ANAPC1: variants seen among roughly 807,000 people sequenced by gnomAD.
ANAPC1 encodes the protein anaphase promoting complex subunit 1.
A neutral mutation model predicts 208.0 loss-of-function variants in ANAPC1; 36 were observed. The observed-to-expected ratio is 0.17, with a 90% confidence interval of 0.13 to 0.23. ANAPC1 has a LOEUF of 0.23. Among genes scored for constraint, ANAPC1 ranks in the 10% least tolerant of loss-of-function variants. The probability of loss-of-function intolerance (pLI) is 1.00; values close to 1 mark genes in which losing one functional copy is unlikely to be tolerated. For synonymous variants in ANAPC1, 378 were observed against 695.2 expected, an observed-to-expected ratio of 0.54 and a Z score of 7.18; for missense variants, 942 against 2,011.6, an observed-to-expected ratio of 0.47 and a Z score of 10.17.
intron 38 of ANAPC1, 131 bp downstream of exon 38, chr2:111,792,231 A>C (rs1677915968): frequency 3.3e-6 from 2 of 613,964 alleles, no homozygotes; most frequent in Admixed American, 6.0e-5. Flanking sequence ...ATCAAGTCGA[A>C]TAATGCTGCT....
At chr2:111,792,090 G>C (rs991117200) in intron 38 of ANAPC1, among the ~76,000 whole-genome samples, 1 of 152,070 alleles carries the variant, frequency 6.6e-6, no homozygotes, top group Non-Finnish European at 1.5e-5. Flanking sequence ...AACCAGGTGG[G>C]CACAAGCAGT....
At chr2:111,810,686 C>A (rs1211227610) in intron 28 of ANAPC1, among the ~76,000 whole-genome samples, 1 of 146,918 alleles carries the variant, frequency 6.8e-6, no homozygotes, top group African/African-American at 2.5e-5. Flanking sequence ...AGTTCAAGAC[C>A]AGCCTGGCCA....
intron 34 of ANAPC1, among the ~76,000 whole-genome samples, chr2:111,796,283 T>G (rs1311885816): frequency 6.7e-6 from 1 of 148,636 alleles, no homozygotes; most frequent in Non-Finnish European, 1.5e-5. Flanking sequence ...TATAATACAG[T>G]CTTCTTATGT....
intron 16 of ANAPC1, among the ~76,000 whole-genome samples, chr2:111,846,771 T>C (rs75170431): frequency 6.6e-6 from 1 of 151,812 alleles, no homozygotes; most frequent in Non-Finnish European, 1.5e-5. Flanking sequence ...GGTTTCACCA[T>C]GTTGGCCAGG....
chr2:111,881,521 T>C (rs1683296517), intron 1 of ANAPC1, among the ~76,000 whole-genome samples: 1 of 152,144 alleles, frequency 6.6e-6, no homozygotes. Context: ...GGGTACTAGG[T>C]TTTAATTAAT....
At chr2:111,806,019 T>G in intron 29 of ANAPC1, 126 bp from the exon 30 acceptor site, 1 of 515,852 alleles carries the variant, frequency 1.9e-6, no homozygotes, top group South Asian at 2.1e-5. Flanking sequence ...ATTCAGAAAG[T>G]TATGACACTA....
intron 11 of ANAPC1, among the ~76,000 whole-genome samples, chr2:111,857,622 A>C (rs534990937): frequency 8.8e-4 from 134 of 152,362 alleles, no homozygotes; most frequent in Non-Finnish European, 1.5e-3. Context: ...TTTGGAAAAC[A>C]GTTTGGTGAT....
rs775041785 is a variant in ANAPC1 at position 111,846,559 on chromosome 2, A to ATT, written c.1852+577_1852+578dup. ...CATATATATATATATATATATATAT[A>ATT]TTTTTTTTTTTTTTTTTTTTTTTTT... On this transcript the variant is annotated intron_variant, in intron 16 of 47. Transcript: ENST00000341068. 4.9e-3 allele frequency among the ~76,000 whole-genome samples: 228 copies of ATT among 46,288 alleles called. 2 individuals are homozygous for ATT. Among genetic ancestry groups the ATT allele is most frequent in the Non-Finnish European group, 6.5e-3 (168 of 25,912 alleles). The allele number at this position is 46,288 out of a possible 152,430, so 30.4% of individuals were successfully genotyped here. A position where few individuals can be genotyped will look rare whatever the true frequency, so the allele number is the denominator to read the frequency against.
Position 111,838,464 on chromosome 2 carries a change from T to G in ANAPC1, c.2089A>C (p.Arg697=). The G allele has an allele frequency of 6.2e-7, 1 of 1,607,894 alleles. No individual in the cohort carries two copies. The highest frequency in any genetic ancestry group is 8.5e-7 in the Non-Finnish European group (1 of 1,178,360). ...TCATCAGATCCAGTCTCGGAAGGCC[T>G]TGCTTTTTTGGGCGCAATGACAGGA... is the stretch of plus-strand genomic sequence containing the variant. ...LSPVIAPKKA[R]PSETGSDDDW... The change falls in exon 18 of 48, where the codon AGG becomes CGG. Residue 697 remains arginine (R), a synonymous_variant. Coordinates refer to ENST00000341068, the MANE Select transcript of ANAPC1 (RefSeq NM_022662.4).
chr2:111,859,457 G>A (rs990638428), intron 10 of ANAPC1, among the ~76,000 whole-genome samples: 1 of 151,344 alleles, frequency 6.6e-6, no homozygotes, highest in African/African-American at 2.4e-5. Flanking sequence ...GGCAACAAGA[G>A]CGAAACTCTA....
At chr2:111,791,378 A>C (rs1429237631) in intron 38 of ANAPC1, among the ~76,000 whole-genome samples, 2 of 149,854 alleles carry the variant, frequency 1.3e-5, no homozygotes, top group Non-Finnish European at 3.0e-5. Context: ...TGATGGTATT[A>C]TTCACTGAAA....
At chr2:111,877,352 CT>C (rs1356769615) in intron 3 of ANAPC1, among the ~76,000 whole-genome samples, 1 of 152,034 alleles carries the variant, frequency 6.6e-6, no homozygotes, top group Non-Finnish European at 1.5e-5. Flanking sequence ...CAGTCCCCAC[CT>C]TTTTTTCTTT....
At chr2:111,813,529 T>A (rs1166348536) in intron 28 of ANAPC1, among the ~76,000 whole-genome samples, 1 of 147,578 alleles carries the variant, frequency 6.8e-6, no homozygotes, top group East Asian at 2.1e-4. Flanking sequence ...AGGGATCTCA[T>A]CTCCTTCCCT....
At chr2:111,845,996 A>AC (rs1553429754) in intron 16 of ANAPC1, among the ~76,000 whole-genome samples, 5 of 151,442 alleles carry the variant, frequency 3.3e-5, no homozygotes, top group Admixed American at 2.6e-4. Flanking sequence ...AAAAAAAAAA[A>AC]TACCTTTTAG....
chr2:111,836,484 A>G (rs1680474136), intron 18 of ANAPC1, among the ~76,000 whole-genome samples: 1 of 150,768 alleles, frequency 6.6e-6, no homozygotes, highest in Non-Finnish European at 1.5e-5. Flanking sequence ...TGTCTCTACC[A>G]AAAAAATTTA....
rs953881816 is a variant in ANAPC1 at position 111,840,381 on chromosome 2, T to C, written c.2041-1869A>G. Among the ~76,000 whole-genome samples the C allele has an allele frequency of 5.3e-5, 8 of 152,226 alleles. 1 individual carries two copies. Among genetic ancestry groups the C allele is most frequent in the Admixed American group, 2.6e-4 (4 of 15,282 alleles). Reference sequence around the variant, plus strand: ...ACAAAAGATAACAAGGGTTTAACCATGCAGTCCTATAAATAAATAGCAAAG... The same window carrying C: ...ACAAAAGATAACAAGGGTTTAACCACGCAGTCCTATAAATAAATAGCAAAG... On this transcript the variant is annotated intron_variant, in intron 17 of 47. Coordinates refer to ENST00000341068, the MANE Select transcript of ANAPC1 (RefSeq NM_022662.4).
At position 111,788,256 on chromosome 2, in the gene ANAPC1, G is replaced by C; in HGVS notation, c.4777C>G (p.Pro1593Ala). Residue 1593 changes from proline (P) to alanine (A), a missense_variant, in exon 39 of 48, where the codon CCA (proline) becomes GCA (alanine). Coordinates refer to ENST00000341068, the MANE Select transcript of ANAPC1 (RefSeq NM_022662.4). ...ALLCALYPHFPAHSTDNRYHL... is the reference protein window; with the variant it reads ...ALLCALYPHFAAHSTDNRYHL... ...CACCGGTTGTCAGTGCTGTGAGCTG[G>C]GAAGTGCGGATAAAGGGCACAGAGA... The C allele has an allele frequency of 1.2e-6, 2 of 1,613,464 alleles. No individual in the cohort carries two copies. The highest frequency in any genetic ancestry group is 1.7e-6 in the Non-Finnish European group (2 of 1,179,598).
intron 21 of ANAPC1, 148 bp from the exon 22 acceptor site, chr2:111,826,003 A>G (rs1373692382): frequency 1.8e-6 from 1 of 559,774 alleles, no homozygotes; most frequent in African/African-American, 1.9e-5. Flanking sequence ...CAGTCTCCAG[A>G]GTAGCTAGGA....
intron 3 of ANAPC1, among the ~76,000 whole-genome samples, chr2:111,877,890 C>T (rs1432389748): frequency 6.6e-6 from 1 of 152,074 alleles, no homozygotes; most frequent in Non-Finnish European, 1.5e-5. Flanking sequence ...TTCTCTATTG[C>T]CTATATTTCC....
Sources: allele counts gnomAD v4.1 joint callset (sites outside exome capture counted in the v4.1 genomes callset), GRCh38; gene constraint gnomAD v4.1.1; transcripts MANE v1.5; gene names NCBI Gene and HGNC (gene_info 2026-07-23, HGNC 2026-07-21).